The following FLOT2 variants were observed in gnomAD, a reference collection of about 807,000 sequenced individuals.
FLOT2 encodes the protein flotillin-2.
In FLOT2, 35 loss-of-function variants were observed where a neutral mutation model predicts 54.9. That is an observed-to-expected ratio of 0.64 (90% confidence interval 0.49 to 0.84). The LOEUF (loss-of-function observed/expected upper bound fraction) is 0.84. Ranked by LOEUF, FLOT2 falls within the 40% of genes least tolerant of loss-of-function variation. The pLI is 0.00. For synonymous variants in FLOT2, 207 were observed against 228.9 expected, an observed-to-expected ratio of 0.90 and a Z score of 0.86; for missense variants, 464 against 572.1, an observed-to-expected ratio of 0.81 and a Z score of 1.93.
At chr17:28,893,803 T>C (rs1024549222) in intron 1 of FLOT2, among the ~76,000 whole-genome samples, 14 of 152,244 alleles carry the variant, frequency 9.2e-5, no homozygotes, top group Admixed American at 6.5e-5. Context: ...TAGAAGAACA[T>C]TGTGAAACTC....
chr17:28,881,339 C>T lies in FLOT2; in HGVS notation c.951G>A (p.Glu317=). 1.2e-6 allele frequency: 2 copies of T among 1,613,522 alleles called. No homozygotes were observed. Among genetic ancestry groups the T allele is most frequent in the Non-Finnish European group, 1.7e-6 (2 of 1,180,034 alleles). ...KQVLLAQAEA[E]KIRKIGEAEA... is the part of the protein sequence containing the mutation. ...CCGCCTCCCCGATTTTGCGGATCTT[C>T]TCAGCCTCTGCCTGTGCCAAGAGGA... Residue 317 remains glutamate (E), a synonymous_variant, in exon 9 of 11, where the codon GAG becomes GAA. Transcript: ENST00000394908.
At chr17:28,894,555 T>C (rs961768936) in intron 1 of FLOT2, among the ~76,000 whole-genome samples, 1 of 142,912 alleles carries the variant, frequency 7.0e-6, no homozygotes, top group African/African-American at 2.6e-5. Context: ...ACCTGGTAGG[T>C]GGAGGCTGCA....
chr17:28,884,105 C>T lies in FLOT2; in HGVS notation c.222+120G>A, dbSNP rs978190570. On this transcript the variant is annotated intron_variant, in intron 3 of 10. Coordinates refer to ENST00000394908, the MANE Select transcript of FLOT2 (RefSeq NM_004475.3). This position sits in a 1 kb window ranked among gnomAD's most constrained non-coding sequence, Gnocchi z 5.1. ...GACTAGCCCTCTCTTGTGGGACTTGCGGGGGCTGGGGTGCTGGAGAGAGAC... is the reference window on the plus strand; with the variant it reads ...GACTAGCCCTCTCTTGTGGGACTTGTGGGGGCTGGGGTGCTGGAGAGAGAC... 7.7e-6 allele frequency: 6 copies of T among 777,734 alleles called. No individual in the cohort carries two copies. The highest frequency in any genetic ancestry group is 5.1e-5 in the African/African-American group (3 of 58,700). 48.2% of individuals were successfully genotyped at this position (777,734 alleles called of 1,614,324 possible). A position where few individuals can be genotyped will look rare whatever the true frequency, so the allele number is the denominator to read the frequency against.
At chr17:28,887,218 T>C (rs1349289112) in intron 2 of FLOT2, among the ~76,000 whole-genome samples, 1 of 151,852 alleles carries the variant, frequency 6.6e-6, no homozygotes, top group Non-Finnish European at 1.5e-5. Context: ...GCACGTGACA[T>C]ATAGACAGCT....
intron 2 of FLOT2, among the ~76,000 whole-genome samples, chr17:28,887,600 A>T (rs901661329): frequency 6.6e-6 from 1 of 152,196 alleles, no homozygotes. Flanking sequence ...AAGAATCTGG[A>T]GAAAGGACTG....
In FLOT2 at chr17:28,880,954, C is replaced by T. The variant is rs558600742; in HGVS notation, c.1099-92G>A. The T allele has an allele frequency of 1.1e-5, 16 of 1,502,382 alleles. No homozygotes were observed. In the East Asian group the frequency reaches 3.6e-4, roughly 34 times the overall value. The allele number at this position is 1,502,382 out of a possible 1,614,324, so 93.1% of individuals were successfully genotyped here. On this transcript the variant is annotated intron_variant, in intron 9 of 10. Transcript: ENST00000394908. ...TCTCCCTCCCTTCCTTAACTCACTC[C>T]AACCCCAAAGCAGCCTGGGTGGCCC...
intron 2 of FLOT2, chr17:28,885,818 G>C: frequency 7.4e-7 from 1 of 1,358,698 alleles, no homozygotes. Context: ...CAGGAAGAGA[G>C]AAGGTTAGAC....
At chr17:28,894,623 T>G (rs1257617176) in intron 1 of FLOT2, among the ~76,000 whole-genome samples, 1 of 135,962 alleles carries the variant, frequency 7.4e-6, no homozygotes, top group African/African-American at 2.8e-5. Flanking sequence ...GACCTTTTTT[T>G]TTTTTTTTTT....
chr17:28,879,828 C>T lies in FLOT2; in HGVS notation c.*733G>A. 1.0e-6 allele frequency: 1 copy of T among 986,116 alleles called. No homozygotes were observed. The highest frequency in any genetic ancestry group is 1.2e-6 in the Non-Finnish European group (1 of 830,158). The allele number at this position is 986,116 out of a possible 1,614,324, so 61.1% of individuals were successfully genotyped here. A position where few individuals can be genotyped will look rare whatever the true frequency, so the allele number is the denominator to read the frequency against. On this transcript the variant is annotated 3_prime_UTR_variant, in exon 11 of 11. Transcript: ENST00000394908. ...CGCACCGCCCCAGCAGGAACATGCC[C>T]ATGAAGAGGCCTTCCCTGAGCACAA...
intron 9 of FLOT2, 103 bp from the exon 10 acceptor site, chr17:28,880,965 C>A: frequency 7.0e-7 from 1 of 1,433,422 alleles, no homozygotes. Context: ...AACCCCAAAG[C>A]AGCCTGGGTG....
Position 28,889,016 on chromosome 17 carries a change from A to G in FLOT2, c.60T>C (p.Cys20=), listed in dbSNP as rs746629911. Reference sequence around the variant, plus strand: ...ACACGTACTGTTTATAGTCGGAACCACAACAGCCCCCTGGGGAGCAAAGCA... The same window carrying G: ...ACACGTACTGTTTATAGTCGGAACCGCAACAGCCCCCTGGGGAGCAAAGCA... The part of the protein sequence containing the change: ...NEALVVSGGC[C]GSDYKQYVFG... The change falls in exon 2 of 11, where the codon TGT becomes TGC. Residue 20 remains cysteine (C), a synonymous_variant. Coordinates refer to ENST00000394908, the MANE Select transcript of FLOT2 (RefSeq NM_004475.3). 1.2e-6 allele frequency: 2 copies of G among 1,614,056 alleles called. No homozygotes were observed. Among genetic ancestry groups the G allele is most frequent in the South Asian group, 1.1e-5 (1 of 91,076 alleles).
intron 2 of FLOT2, chr17:28,886,016 A>T: frequency 1.3e-6 from 1 of 761,466 alleles, no homozygotes; most frequent in Non-Finnish European, 2.1e-6. Flanking sequence ...GCAAACACAC[A>T]CAGTAGTTAC....
chr17:28,885,375 G>A (rs746897361), intron 2 of FLOT2, among the ~76,000 whole-genome samples: 7 of 152,198 alleles, frequency 4.6e-5, no homozygotes, highest in Non-Finnish European at 1.0e-4. Context: ...TTCCAGGCTG[G>A]GAACCCGCTG....
At position 28,883,218 on chromosome 17, in the gene FLOT2, G is replaced by A. The variant is rs372763996; in HGVS notation, c.236C>T (p.Thr79Met). The A allele has an allele frequency of 9.2e-5, 148 of 1,614,010 alleles. No individual in the cohort carries two copies. The highest frequency in any genetic ancestry group is 8.7e-5 in the Non-Finnish European group (103 of 1,179,986). The change falls in exon 4 of 11, where the codon ACG becomes ATG. Residue 79 changes from threonine to methionine, a missense_variant. Thr to Met is a moderately conservative substitution (Grantham distance 81, BLOSUM62 -1). Transcript: ENST00000394908. This position sits in a 1 kb window ranked among gnomAD's most constrained non-coding sequence, Gnocchi z 5.0. ...VTGVAQVKIM[T>M]EKELLAVACE... is the part of the protein sequence containing the mutation. ...AGCCACGGCCAGGAGTTCCTTCTCC[G>A]TCATGATCTTCACCTGTCAGTGACG...
chr17:28,895,559 G>A (rs893668507), intron 1 of FLOT2, among the ~76,000 whole-genome samples: 3 of 151,932 alleles, frequency 2.0e-5, no homozygotes, highest in Non-Finnish European at 4.4e-5. Context: ...CACCGTGCCC[G>A]GCCAATAGAT....
chr17:28,897,149 G>A lies in FLOT2; in HGVS notation c.49+377C>T, dbSNP rs928188822. 6.6e-6 allele frequency among the ~76,000 whole-genome samples: 1 copy of A among 152,208 alleles called. No homozygotes were observed. The highest frequency in any genetic ancestry group is 1.5e-5 in the Non-Finnish European group (1 of 68,032). ...GGCTGCGCGACCCGCCCCCCATCCCGGGCGCTGGAATCCAGCCAAACCTCT... is the reference window on the plus strand; with the variant it reads ...GGCTGCGCGACCCGCCCCCCATCCCAGGCGCTGGAATCCAGCCAAACCTCT... On this transcript the variant is annotated intron_variant, in intron 1 of 10. Transcript: ENST00000394908. This position sits in a 1 kb window ranked among gnomAD's most constrained non-coding sequence, Gnocchi z 4.4.
At chr17:28,886,390 T>C (rs1457759555) in intron 2 of FLOT2, among the ~76,000 whole-genome samples, 2 of 152,172 alleles carry the variant, frequency 1.3e-5, no homozygotes, top group African/African-American at 4.8e-5. Context: ...GGGAGGCTAT[T>C]CTGGGGACTC....
intron 2 of FLOT2, chr17:28,885,810 G>T: frequency 1.5e-6 from 2 of 1,306,164 alleles, no homozygotes; most frequent in South Asian, 1.3e-5. Context: ...CCGCAGGGCA[G>T]GAAGAGAGAA....
chr17:28,886,086 A>ACC (rs59662305), intron 2 of FLOT2: 1 of 577,520 alleles, frequency 1.7e-6, no homozygotes, highest in Non-Finnish European at 3.3e-6. Context: ...CAGTAATCCA[A>ACC]CCCCCCAACT....
Sources: allele counts gnomAD v4.1 joint callset (sites outside exome capture counted in the v4.1 genomes callset), GRCh38; gene constraint gnomAD v4.1.1; non-coding constraint Gnocchi (gnomAD v3.1); transcripts MANE v1.5; gene names NCBI Gene and HGNC (gene_info 2026-07-23, HGNC 2026-07-21).